RERE: variants seen among roughly 807,000 people sequenced by gnomAD.
The protein encoded by RERE is arginine-glutamic acid dipeptide repeats protein.
In RERE, 40 loss-of-function variants were observed where a neutral mutation model predicts 146.1. The ratio of observed to expected loss-of-function variants is 0.27; its 90% CI spans 0.21 to 0.36. RERE has a LOEUF of 0.36. Ranked by LOEUF, RERE falls within the 10% of genes least tolerant of loss-of-function variation. The pLI is 1.00. For synonymous variants in RERE, 1,003 were observed against 866.0 expected (o/e 1.16, Z -2.78); for missense variants, 1,933 against 2,138.7 (o/e 0.90, Z 1.90).
intron 1 of RERE, among the ~76,000 whole-genome samples, chr1:8,815,879 G>C (rs1409132647): frequency 6.6e-6 from 1 of 151,166 alleles, no homozygotes; most frequent in South Asian, 2.1e-4. Context: ...GTGTCTGTCT[G>C]CCTCTGCCTC....
intron 1 of RERE, among the ~76,000 whole-genome samples, chr1:8,697,510 C>G (rs1478243268): frequency 6.6e-6 from 1 of 151,764 alleles, no homozygotes; most frequent in African/African-American, 2.4e-5. Flanking sequence ...CTCCTGCCTC[C>G]GCCTACCGAG....
intron 12 of RERE, among the ~76,000 whole-genome samples, chr1:8,416,334 C>T (rs549252103): frequency 6.6e-6 from 1 of 152,048 alleles, no homozygotes; most frequent in Non-Finnish European, 1.5e-5. Context: ...ACCTGTAATC[C>T]CAGCACTTTG....
chr1:8,405,141 A>T (rs1463788478), intron 12 of RERE, among the ~76,000 whole-genome samples: 1 of 152,224 alleles, frequency 6.6e-6, no homozygotes, highest in Non-Finnish European at 1.5e-5. Context: ...GATGGTCAAG[A>T]GTGAGAAGGG....
chr1:8,395,012 ACATAT>A, intron 12 of RERE, among the ~76,000 whole-genome samples: 1 of 152,282 alleles, frequency 6.6e-6, no homozygotes, highest in East Asian at 1.9e-4. Context: ...AAAAAAGAAA[ACATAT>A]TTTAAGGGCC....
intron 12 of RERE, among the ~76,000 whole-genome samples, chr1:8,383,009 A>C (rs1328208832): frequency 6.3e-5 from 5 of 79,236 alleles, no homozygotes; most frequent in African/African-American, 1.4e-4. Flanking sequence ...TAATTGACTA[A>C]GTTAAAAAAA....
At position 8,751,013 on chromosome 1, in the gene RERE, A is replaced by G. The variant is rs1056832993; in HGVS notation, c.-145+66147T>C. On this transcript the variant is annotated intron_variant, in intron 1 of 22. Transcript: ENST00000400908. ...GGATCTGATTCATGAGATCTAAACT[A>G]TTGGAAAATGCTTCAAGGAAGCAAA... is the stretch of plus-strand genomic sequence containing the variant. The G allele has an allele frequency of 7.9e-6, 5 of 636,108 alleles. No homozygotes were observed. In the African/African-American group the frequency reaches 9.1e-5, roughly 12 times the overall value. The allele number at this position is 636,108 out of a possible 1,614,324, so 39.4% of individuals were successfully genotyped here. A position where few individuals can be genotyped will look rare whatever the true frequency, so the allele number is the denominator to read the frequency against.
intron 1 of RERE, among the ~76,000 whole-genome samples, chr1:8,710,136 T>A (rs933828705): frequency 6.6e-6 from 1 of 152,236 alleles, no homozygotes; most frequent in African/African-American, 2.4e-5. Flanking sequence ...ATTTGATTTT[T>A]CCAGCTGAGC....
At position 8,355,389 on chromosome 1, in the gene RERE, C is replaced by G. The variant is rs538793001; in HGVS notation, c.4667+30G>C. 3.5e-5 allele frequency: 56 copies of G among 1,606,502 alleles called. 2 individuals are homozygous for G. The highest frequency in any genetic ancestry group is 2.7e-4 in the East Asian group (12 of 44,866). ...GTTGGGAGCCTGGGCTCAGATAACCCCTCCACTCCCTCCCAGCACCCCACC... is the reference window on the plus strand; with the variant it reads ...GTTGGGAGCCTGGGCTCAGATAACCGCTCCACTCCCTCCCAGCACCCCACC... On this transcript the variant is annotated intron_variant, in intron 22 of 22. Coordinates refer to ENST00000400908, the MANE Select transcript of RERE (RefSeq NM_001042681.2).
At chr1:8,805,307 G>A (rs1018256765) in intron 1 of RERE, among the ~76,000 whole-genome samples, 2 of 152,178 alleles carry the variant, frequency 1.3e-5, no homozygotes, top group East Asian at 1.9e-4. Context: ...GAGGTCAAGA[G>A]TTCCAGAACA....
intron 1 of RERE, among the ~76,000 whole-genome samples, chr1:8,697,140 G>A (rs984906523): frequency 6.6e-6 from 1 of 152,080 alleles, no homozygotes; most frequent in African/African-American, 2.4e-5. Flanking sequence ...TAAGAATTAT[G>A]ATCTGTGGAA....
chr1:8,647,615 C>A (rs571500591), intron 2 of RERE, among the ~76,000 whole-genome samples: 1 of 148,320 alleles, frequency 6.7e-6, no homozygotes, highest in African/African-American at 2.5e-5. Context: ...AGTTACAGAT[C>A]AAATGAGCTT....
intron 12 of RERE, among the ~76,000 whole-genome samples, chr1:8,404,197 A>T (rs111233012): frequency 0.012 from 1,860 of 152,260 alleles, 34 homozygotes; most frequent in African/African-American, 0.043. Context: ...TCAGAGGCTG[A>T]GGTGGGTGAA....
chr1:8,633,865 G>A (rs2124259753), intron 2 of RERE, among the ~76,000 whole-genome samples: 1 of 152,246 alleles, frequency 6.6e-6, no homozygotes, highest in South Asian at 2.1e-4. Context: ...GGAGGCAGAA[G>A]CTACAGTGAA....
chr1:8,432,353 C>CT (rs1644107005), intron 11 of RERE, among the ~76,000 whole-genome samples: 1 of 152,168 alleles, frequency 6.6e-6, no homozygotes, highest in South Asian at 2.1e-4. Context: ...ATCAACTCAA[C>CT]TAACATTCAT....
chr1:8,650,068 T>G (rs114623257), intron 2 of RERE, among the ~76,000 whole-genome samples: 1 of 151,588 alleles, frequency 6.6e-6, no homozygotes, highest in African/African-American at 2.4e-5. Context: ...GGCGGGAACA[T>G]GGGCAGTGTA....
At chr1:8,562,332 G>GTTACTAACAATATAATTTAACAA (rs1646088406) in intron 4 of RERE, among the ~76,000 whole-genome samples, 5 of 152,042 alleles carry the variant, frequency 3.3e-5, no homozygotes, top group Non-Finnish European at 7.4e-5. Flanking sequence ...TTTAACAATG[G>GTTACTAACAATATAATTTAACAA]CATAAATGTC....
In RERE at chr1:8,473,645, T is replaced by G. The variant is rs1471735836; in HGVS notation, c.1105-7622A>C. On this transcript the variant is annotated intron_variant, in intron 10 of 22. Transcript: ENST00000400908. Reference sequence around the variant, plus strand: ...AAATTAACAACTAGTCAATACCTTCTGCAGCCTACTGAAAATAGTACAGGA... The same window carrying G: ...AAATTAACAACTAGTCAATACCTTCGGCAGCCTACTGAAAATAGTACAGGA... Among the ~76,000 whole-genome samples, 3 of 152,244 alleles carry G rather than the reference T, an allele frequency of 2.0e-5. No individual in the cohort carries two copies. In the South Asian group the frequency reaches 6.2e-4, roughly 31 times the overall value.
chr1:8,701,022 T>G (rs1639434042), intron 1 of RERE, among the ~76,000 whole-genome samples: 1 of 152,086 alleles, frequency 6.6e-6, no homozygotes, highest in South Asian at 2.1e-4. Flanking sequence ...GGGAGAGGGA[T>G]TAAGAAACAC....
chr1:8,622,503 A>AC (rs1232408711), intron 3 of RERE, among the ~76,000 whole-genome samples: 6 of 136,910 alleles, frequency 4.4e-5, no homozygotes, highest in Admixed American at 2.9e-4. Flanking sequence ...AAAAAAAAAA[A>AC]AAAAAAAACA....
Sources: allele counts gnomAD v4.1 joint callset (sites outside exome capture counted in the v4.1 genomes callset), GRCh38; gene constraint gnomAD v4.1.1; transcripts MANE v1.5; gene names NCBI Gene and HGNC (gene_info 2026-07-23, HGNC 2026-07-21).